Variants in FBXO11 observed in about 807,000 individuals in gnomAD.
FBXO11 encodes the protein F-box protein 11, also known as F-box only protein 11.
Under a neutral mutation model 117.0 loss-of-function variants are expected in FBXO11, and 13 were observed. The observed-to-expected ratio is 0.11, with a 90% CI of 0.07 to 0.18. FBXO11 has a LOEUF of 0.18. Among genes scored for constraint, FBXO11 ranks in the 10% least tolerant of loss-of-function variants. FBXO11 has a pLI of 1.00. For missense variants in FBXO11, 767 were observed against 1,164.4 expected (o/e 0.66, Z 4.97); for synonymous variants, 490 against 380.5 (o/e 1.29, Z -3.35).
At chr2:47,820,795 C>G (rs1413016041) in intron 13 of FBXO11, among the ~76,000 whole-genome samples, 1 of 152,110 alleles carries the variant, frequency 6.6e-6, no homozygotes, top group East Asian at 1.9e-4. Flanking sequence ...TGGTATCTAC[C>G]TCACAGTGTT....
chr2:47,887,422 C>G (rs551224939), intron 1 of FBXO11, among the ~76,000 whole-genome samples: 2 of 151,298 alleles, frequency 1.3e-5, no homozygotes, highest in Non-Finnish European at 2.9e-5. Context: ...AACAAAATAA[C>G]TGACTTTCCC....
At chr2:47,897,355 C>T (rs186715173) in intron 1 of FBXO11, among the ~76,000 whole-genome samples, 1 of 152,218 alleles carries the variant, frequency 6.6e-6, no homozygotes, top group African/African-American at 2.4e-5. Flanking sequence ...ACACAGACAC[C>T]AATATCAAAG....
At position 47,905,804 on chromosome 2, in the gene FBXO11, G is replaced by A; in HGVS notation, c.-84C>T. ...GCTTCGGGGCAGGAGAAAGGGGTGG[G>A]GAGAGTGGGAGAGGGGGGAGGAAGG... On this transcript the variant is annotated 5_prime_UTR_variant, in exon 1 of 23. Transcript: ENST00000403359. 8.3e-7 allele frequency: 1 copy of A among 1,210,212 alleles called. No homozygotes were observed. Among genetic ancestry groups the A allele is most frequent in the South Asian group, 1.3e-5 (1 of 75,396 alleles). 75.0% of individuals were successfully genotyped at this position (1,210,212 alleles called of 1,614,324 possible). A position where few individuals can be genotyped will look rare whatever the true frequency, so the allele number is the denominator to read the frequency against.
chr2:47,900,097 C>A (rs936693213), intron 1 of FBXO11, among the ~76,000 whole-genome samples: 1 of 152,096 alleles, frequency 6.6e-6, no homozygotes, highest in African/African-American at 2.4e-5. Context: ...GGGAGAAAAG[C>A]AGGATAAGAG....
intron 16 of FBXO11, among the ~76,000 whole-genome samples, chr2:47,817,435 T>C (rs756102249): frequency 6.6e-6 from 1 of 152,196 alleles, no homozygotes; most frequent in Non-Finnish European, 1.5e-5. Flanking sequence ...AGCAATAAGG[T>C]TGTTTTGCTT....
At chr2:47,826,360 C>T (rs1468196054) in intron 11 of FBXO11, among the ~76,000 whole-genome samples, 1 of 152,088 alleles carries the variant, frequency 6.6e-6, no homozygotes, top group African/African-American at 2.4e-5. Flanking sequence ...CCCAGCTGAT[C>T]CACAAGTTTT....
At chr2:47,837,178 C>A in intron 4 of FBXO11, 1 of 166,998 alleles carries the variant, frequency 6.0e-6, no homozygotes, top group Non-Finnish European at 1.3e-5. Context: ...GTGAGCAATG[C>A]TGTTTTGTTC....
intron 1 of FBXO11, among the ~76,000 whole-genome samples, chr2:47,869,103 T>C (rs556867870): frequency 6.6e-6 from 1 of 152,300 alleles, no homozygotes; most frequent in Non-Finnish European, 1.5e-5. Flanking sequence ...CAGTGTGCTA[T>C]ATACAGTGTT....
intron 17 of FBXO11, 48 bp from the exon 18 acceptor site, chr2:47,813,425 A>ATTTTTGTTTTTTTTTTTTT (rs1670764245): frequency 3.1e-6 from 1 of 327,432 alleles, no homozygotes; most frequent in Non-Finnish European, 4.2e-6. Context: ...TTTCTTTTTA[A>ATTTTTGTTTTTTTTTTTTT]TTTTTTTTTT....
chr2:47,842,933 A>T (rs1464795829), intron 1 of FBXO11, among the ~76,000 whole-genome samples: 1 of 152,046 alleles, frequency 6.6e-6, no homozygotes, highest in Non-Finnish European at 1.5e-5. Context: ...GATGTGAACC[A>T]CCACACCTGG....
intron 4 of FBXO11, chr2:47,836,901 AT>A (rs1173551137): frequency 8.2e-6 from 3 of 367,966 alleles, no homozygotes; most frequent in African/African-American, 4.5e-5. Flanking sequence ...CTCTTGTCTT[AT>A]TTTTTGATTT....
At chr2:47,844,218 C>T (rs1022740249) in intron 1 of FBXO11, among the ~76,000 whole-genome samples, 2 of 151,986 alleles carry the variant, frequency 1.3e-5, no homozygotes, top group Non-Finnish European at 2.9e-5. Flanking sequence ...GATCTATTAC[C>T]TCATTGCTTC....
rs76016680 is a variant in FBXO11 at position 47,895,238 on chromosome 2, C to G, written c.232+10251G>C. 7.2e-3 allele frequency among the ~76,000 whole-genome samples: 1,089 copies of G among 152,180 alleles called. 11 individuals are homozygous for G. Among genetic ancestry groups the G allele is most frequent in the African/African-American group, 0.025 (1,043 of 41,510 alleles). ...TAGCACTACTCCTGACATCCAAACA[C>G]AAAAACAATCCTATGTCCATCAACT... On this transcript the variant is annotated intron_variant, in intron 1 of 22. Transcript: ENST00000403359.
In FBXO11 at chr2:47,822,273, T is replaced by C; in HGVS notation, c.1647A>G (p.Gly549=). ...GTCCATCACCAAAGATGTAAACTCC[T>C]CCTTGATTTCCATTAAATATAGAAT... ...RGNSIFNGNQ[G]GVYIFGDGRG... Residue 549 remains glycine, a synonymous_variant, in exon 13 of 23, where the codon GGA becomes GGG. Coordinates refer to ENST00000403359, the MANE Select transcript of FBXO11 (RefSeq NM_001190274.2). 1 of 1,594,692 alleles carries C rather than the reference T, an allele frequency of 6.3e-7. No individual in the cohort carries two copies. The highest frequency in any genetic ancestry group is 8.5e-7 in the Non-Finnish European group (1 of 1,170,424).
intron 1 of FBXO11, among the ~76,000 whole-genome samples, chr2:47,850,731 T>C (rs1572843981): frequency 6.6e-6 from 1 of 152,232 alleles, no homozygotes; most frequent in Admixed American, 6.5e-5. Flanking sequence ...CAACTACTAA[T>C]TCAAGGATTA....
chr2:47,862,172 C>T (rs148481109), intron 1 of FBXO11, among the ~76,000 whole-genome samples: 1,773 of 152,224 alleles, frequency 0.012, 16 homozygotes, highest in Middle Eastern at 0.02. Flanking sequence ...CTGCCTGTTT[C>T]GGCCTCCCAA....
chr2:47,853,355 C>T (rs1011073512), intron 1 of FBXO11, among the ~76,000 whole-genome samples: 1 of 152,016 alleles, frequency 6.6e-6, no homozygotes, highest in East Asian at 1.9e-4. Context: ...CAGGCATGAG[C>T]CACCGTGCCT....
At chr2:47,877,923 T>C (rs866416233) in intron 1 of FBXO11, among the ~76,000 whole-genome samples, 128 of 152,282 alleles carry the variant, frequency 8.4e-4, no homozygotes, top group African/African-American at 2.8e-3. Flanking sequence ...GACCTCATCA[T>C]CCGCCTGCCT....
chr2:47,839,108 T>C (rs1461010438), intron 3 of FBXO11, 105 bp from the exon 4 acceptor site: 2 of 1,174,044 alleles, frequency 1.7e-6, no homozygotes, highest in Non-Finnish European at 2.4e-6. Context: ...TTTTTTTGGA[T>C]AATGGTCATT....
Sources: allele counts gnomAD v4.1 joint callset (sites outside exome capture counted in the v4.1 genomes callset), GRCh38; gene constraint gnomAD v4.1.1; transcripts MANE v1.5; gene names NCBI Gene and HGNC (gene_info 2026-07-23, HGNC 2026-07-21).